The following RORA variants were observed in gnomAD, a reference collection of about 807,000 sequenced individuals.
The protein encoded by RORA is RAR related orphan receptor A, also known as nuclear receptor ROR-alpha.
RORA carries 7 observed loss-of-function variants against 69.5 expected under a neutral mutation model. That is an observed-to-expected ratio of 0.10 (90% CI 0.06 to 0.19). RORA has a LOEUF of 0.19. RORA is among the 10% of genes least tolerant of loss of function. RORA has a pLI of 1.00. For missense variants in RORA, 457 were observed against 663.0 expected, an observed-to-expected ratio of 0.69 and a Z score of 3.41; for synonymous variants, 261 against 240.8, an observed-to-expected ratio of 1.08 and a Z score of -0.78.
intron 1 of RORA, among the ~76,000 whole-genome samples, chr15:60,987,410 T>A (rs1250304044): frequency 3.9e-5 from 6 of 152,294 alleles, no homozygotes; most frequent in Non-Finnish European, 7.4e-5. Flanking sequence ...ACCATGGACT[T>A]CGAGGTTGAC....
chr15:61,051,688 G>A (rs1417224531), intron 1 of RORA, among the ~76,000 whole-genome samples: 2 of 152,190 alleles, frequency 1.3e-5, no homozygotes, highest in East Asian at 1.9e-4. Context: ...CAGAGAGTGG[G>A]AGAGGCTTCG....
At chr15:61,022,406 T>C (rs1895573700) in intron 1 of RORA, among the ~76,000 whole-genome samples, 1 of 152,124 alleles carries the variant, frequency 6.6e-6, no homozygotes, top group Non-Finnish European at 1.5e-5. Flanking sequence ...CGCAGGAAGA[T>C]AAGTTTGGAT....
At chr15:60,855,715 G>A (rs556750991) in intron 1 of RORA, among the ~76,000 whole-genome samples, 2 of 151,820 alleles carry the variant, frequency 1.3e-5, no homozygotes, top group African/African-American at 2.4e-5. Context: ...CCGCCTCCCG[G>A]ATTTAAGCGA....
chr15:61,010,802 G>C (rs144639132), intron 1 of RORA, among the ~76,000 whole-genome samples: 2 of 152,118 alleles, frequency 1.3e-5, no homozygotes, highest in Admixed American at 6.6e-5. Flanking sequence ...TTAGAACCTG[G>C]AGATGAGGAC....
At position 60,489,261 on chromosome 15, in the gene RORA, G is replaced by A. The variant is rs1418286060; in HGVS notation, c.*8194C>T. The A allele has an allele frequency of 6.6e-6, 1 of 152,160 alleles. No homozygotes were observed. Among genetic ancestry groups the A allele is most frequent in the Non-Finnish European group, 1.5e-5 (1 of 68,032 alleles). 9.4% of individuals were successfully genotyped at this position (152,160 alleles called of 1,614,324 possible). A position where few individuals can be genotyped will look rare whatever the true frequency, so the allele number is the denominator to read the frequency against. Reference sequence around the variant, plus strand: ...CCACACAATTGCATTTATAATTAAGGTAACAGCAACTCTTCCACAAAAATG... The same window carrying A: ...CCACACAATTGCATTTATAATTAAGATAACAGCAACTCTTCCACAAAAATG... On this transcript the variant is annotated 3_prime_UTR_variant, in exon 11 of 11. Coordinates refer to ENST00000335670, the MANE Select transcript of RORA (RefSeq NM_134261.3).
chr15:60,697,528 C>T (rs1056324375), intron 1 of RORA, among the ~76,000 whole-genome samples: 1 of 151,928 alleles, frequency 6.6e-6, no homozygotes, highest in Admixed American at 6.6e-5. Flanking sequence ...CTTTAACCTG[C>T]AGAGTCATCT....
In RORA at chr15:60,514,374, A is replaced by G. The variant is rs117531171; in HGVS notation, c.424+242T>C. On this transcript the variant is annotated intron_variant, in intron 4 of 10. Coordinates refer to ENST00000335670, the MANE Select transcript of RORA (RefSeq NM_134261.3). ...AAAATCTGAAGGTGTTCTGAGCACAAGACACTTCTCCTCCACACCACCCCC... is the reference window on the plus strand; with the variant it reads ...AAAATCTGAAGGTGTTCTGAGCACAGGACACTTCTCCTCCACACCACCCCC... Among the ~76,000 whole-genome samples, 50 of 152,278 alleles carry G rather than the reference A, an allele frequency of 3.3e-4. No individual in the cohort carries two copies. The East Asian group carries it at 6.4e-3, about 19-fold the overall frequency.
intron 2 of RORA, among the ~76,000 whole-genome samples, chr15:60,536,025 G>T (rs78852743): frequency 0.047 from 7,222 of 152,186 alleles, 610 homozygotes; most frequent in African/African-American, 0.17. Flanking sequence ...AGTTATCCCC[G>T]TAGTTTATAA....
At chr15:61,144,441 G>T (rs1393133432) in intron 1 of RORA, among the ~76,000 whole-genome samples, 2 of 152,248 alleles carry the variant, frequency 1.3e-5, no homozygotes, top group South Asian at 4.1e-4. Flanking sequence ...CACATGCACA[G>T]CAACTGAGGA....
intron 1 of RORA, among the ~76,000 whole-genome samples, chr15:60,825,276 G>C (rs560401106): frequency 6.6e-6 from 1 of 152,282 alleles, no homozygotes; most frequent in South Asian, 2.1e-4. Context: ...GTACTTCTAT[G>C]TTCACACCAC....
intron 1 of RORA, among the ~76,000 whole-genome samples, chr15:60,881,248 C>G (rs1057218699): frequency 7.9e-5 from 12 of 152,246 alleles, no homozygotes; most frequent in Non-Finnish European, 1.3e-4. Flanking sequence ...TGGCTCCTGC[C>G]ATTCCCACAT....
At chr15:60,976,236 T>C (rs1297304111) in intron 1 of RORA, among the ~76,000 whole-genome samples, 1 of 152,158 alleles carries the variant, frequency 6.6e-6, no homozygotes, top group Non-Finnish European at 1.5e-5. Flanking sequence ...AAGCCTGTGG[T>C]GGAGCAAACA....
intron 2 of RORA, chr15:60,630,668 C>T (rs974542462): frequency 1.3e-5 from 2 of 152,232 alleles, no homozygotes; most frequent in African/African-American, 4.8e-5. Context: ...TATTTCAAAT[C>T]TATAGCCTTT....
intron 1 of RORA, among the ~76,000 whole-genome samples, chr15:60,745,074 G>A (rs908812523): frequency 4.6e-5 from 7 of 152,350 alleles, no homozygotes; most frequent in African/African-American, 1.7e-4. Flanking sequence ...AGGCCATTTT[G>A]TGACTCGTCT....
chr15:60,575,592 T>C (rs1310465874), intron 2 of RORA, among the ~76,000 whole-genome samples: 1 of 152,172 alleles, frequency 6.6e-6, no homozygotes, highest in Non-Finnish European at 1.5e-5. Context: ...TTTATTGAAG[T>C]GCAACATGCA....
chr15:61,214,007 C>T (rs1014554124), intron 1 of RORA: 5 of 152,130 alleles, frequency 3.3e-5, no homozygotes, highest in Middle Eastern at 3.1e-3. Flanking sequence ...GGGCATTCAC[C>T]GAATGCTCAT....
chr15:61,075,357 G>C (rs146267672), intron 1 of RORA, among the ~76,000 whole-genome samples: 25 of 152,268 alleles, frequency 1.6e-4, no homozygotes, highest in African/African-American at 5.5e-4. Flanking sequence ...AGGTCACCTT[G>C]AAGGGAGTTG....
At chr15:60,599,433 C>T (rs1188742285) in intron 2 of RORA, among the ~76,000 whole-genome samples, 1 of 152,206 alleles carries the variant, frequency 6.6e-6, no homozygotes, top group East Asian at 1.9e-4. Context: ...TGCCTGTAAT[C>T]TCAGCTACTT....
At chr15:60,673,377 C>T (rs2070503551) in intron 2 of RORA, among the ~76,000 whole-genome samples, 2 of 152,264 alleles carry the variant, frequency 1.3e-5, no homozygotes, top group South Asian at 4.2e-4. Context: ...CTTAGGAGGG[C>T]TTGGCTGTAG....
Sources: gnomAD v4.1 joint callset for allele counts (sites outside exome capture counted in the v4.1 genomes callset) on GRCh38, gnomAD v4.1.1 for gene constraint, MANE v1.5 for transcripts, NCBI Gene and HGNC (gene_info 2026-07-23, HGNC 2026-07-21) for gene names.